Variants in VPS50 observed in about 807,000 individuals in gnomAD.
VPS50 encodes syndetin.
In VPS50, 70 loss-of-function variants were observed where a neutral mutation model predicts 139.7. The observed-to-expected ratio is 0.50, with a 90% confidence interval of 0.41 to 0.61. VPS50 has a LOEUF of 0.61. VPS50 is among the 20% of genes least tolerant of loss of function. The probability of loss-of-function intolerance (pLI) is 0.00; values close to 1 mark genes in which losing one functional copy is unlikely to be tolerated. For synonymous variants in VPS50, 365 were observed against 376.7 expected (o/e 0.97, Z 0.36); for missense variants, 921 against 1,133.7 (o/e 0.81, Z 2.69).
Position 93,341,421 on chromosome 7 carries a change from T to A in VPS50, c.2059-6T>A. 1 of 1,596,852 alleles carries A rather than the reference T, an allele frequency of 6.3e-7. No individual in the cohort carries two copies. Among genetic ancestry groups the A allele is most frequent in the Non-Finnish European group, 8.5e-7 (1 of 1,173,256 alleles). ...ATTCCAGGTTGTATATCTATTGTATTTTCAGGAAGTTTCAGCTGATCCTAC... is the reference window on the plus strand; with the variant it reads ...ATTCCAGGTTGTATATCTATTGTATATTCAGGAAGTTTCAGCTGATCCTAC... On this transcript the variant is annotated splice_polypyrimidine_tract_variant and splice_region_variant and intron_variant, in intron 22 of 27. Coordinates refer to ENST00000305866, the MANE Select transcript of VPS50 (RefSeq NM_017667.4).
chr7:93,247,967 T>G (rs1795205293), intron 2 of VPS50, among the ~76,000 whole-genome samples: 1 of 152,030 alleles, frequency 6.6e-6, no homozygotes, highest in Non-Finnish European at 1.5e-5. Flanking sequence ...TAATACTTTT[T>G]GCTTAGTTGA....
intron 13 of VPS50, among the ~76,000 whole-genome samples, chr7:93,292,732 G>GTA (rs1796686938): frequency 6.6e-6 from 1 of 151,964 alleles, no homozygotes; most frequent in South Asian, 2.1e-4. Flanking sequence ...AGAAGGCATA[G>GTA]GTTTAATCTT....
Position 93,349,934 on chromosome 7 carries a change from C to T in VPS50, c.2364C>T (p.Ala788=), listed in dbSNP as rs775375142. The T allele has an allele frequency of 6.2e-7, 1 of 1,613,192 alleles. No individual in the cohort carries two copies. The highest frequency in any genetic ancestry group is 8.5e-7 in the Non-Finnish European group (1 of 1,179,344). ...TTTACTGGATTGTAGCTGGTAAAGC[C>T]CTTGATTATGAACAGATGCTGCTTC... ...KPIYWIVAGK[A]LDYEQMLLLM... The change falls in exon 25 of 28, where the codon GCC becomes GCT. Residue 788 remains alanine (A), a synonymous_variant. Coordinates refer to ENST00000305866, the MANE Select transcript of VPS50 (RefSeq NM_017667.4).
At chr7:93,271,587 C>G (rs1413685853) in intron 10 of VPS50, among the ~76,000 whole-genome samples, 5 of 151,628 alleles carry the variant, frequency 3.3e-5, no homozygotes. Context: ...TTATCAGTTA[C>G]TTTATTGTTT....
chr7:93,351,247 C>A (rs1798548710), intron 25 of VPS50, among the ~76,000 whole-genome samples: 1 of 152,048 alleles, frequency 6.6e-6, no homozygotes. Context: ...AGACCATTGA[C>A]CTTGAAAGAG....
chr7:93,340,037 A>G (rs1798171043), intron 22 of VPS50, among the ~76,000 whole-genome samples: 1 of 152,170 alleles, frequency 6.6e-6, no homozygotes, highest in Admixed American at 6.6e-5. Flanking sequence ...TATTAGAAAT[A>G]TATTTGGTTA....
At chr7:93,315,767 A>T (rs2117001809) in intron 20 of VPS50, among the ~76,000 whole-genome samples, 1 of 152,132 alleles carries the variant, frequency 6.6e-6, no homozygotes, top group Non-Finnish European at 1.5e-5. Flanking sequence ...ATAGGTTTTA[A>T]TTTCAACATT....
At chr7:93,269,159 A>G (rs1329952331) in intron 9 of VPS50, among the ~76,000 whole-genome samples, 1 of 152,070 alleles carries the variant, frequency 6.6e-6, no homozygotes, top group Admixed American at 6.6e-5. Flanking sequence ...TAATTATTTG[A>G]AAGTGTTAAG....
At chr7:93,345,397 G>A (rs1798361441) in intron 23 of VPS50, among the ~76,000 whole-genome samples, 1 of 152,120 alleles carries the variant, frequency 6.6e-6, no homozygotes, top group Non-Finnish European at 1.5e-5. Flanking sequence ...TTCTACCAGA[G>A]GTACAAGGAG....
intron 9 of VPS50, among the ~76,000 whole-genome samples, chr7:93,261,067 TTAAA>T (rs1258253037): frequency 2.0e-5 from 3 of 152,202 alleles, no homozygotes; most frequent in Non-Finnish European, 4.4e-5. Context: ...ACTTATTAGG[TTAAA>T]TAAATAGAGA....
rs545569862 is a variant in VPS50 at position 93,296,916 on chromosome 7, A to G, written c.1262+80A>G. The G allele has an allele frequency of 5.7e-5, 84 of 1,476,808 alleles. No homozygotes were observed. In the African/African-American group the frequency reaches 1.1e-3, roughly 19 times the overall value. 91.5% of individuals were successfully genotyped at this position (1,476,808 alleles called of 1,614,324 possible). A position where few individuals can be genotyped will look rare whatever the true frequency, so the allele number is the denominator to read the frequency against. On this transcript the variant is annotated intron_variant, in intron 15 of 27. Transcript: ENST00000305866. ...ATCATGAGCTAGTGAGTTATCATCT[A>G]TAACTTCTTTATGGAAATGAAGATA...
rs370207634 is a variant in VPS50 at position 93,330,943 on chromosome 7, A to T, written c.1978-3174A>T. On this transcript the variant is annotated intron_variant, in intron 21 of 27. Transcript: ENST00000305866. Reference sequence around the variant, plus strand: ...TAGAACTAATAAGTACATTTAGCAAACTCCTAGAATATAAAGTCAGTATAC... The same window carrying T: ...TAGAACTAATAAGTACATTTAGCAATCTCCTAGAATATAAAGTCAGTATAC... Among the ~76,000 whole-genome samples the T allele has an allele frequency of 3.9e-5, 6 of 151,900 alleles. No homozygotes were observed. In the East Asian group the frequency reaches 9.6e-4, roughly 24 times the overall value.
intron 18 of VPS50, among the ~76,000 whole-genome samples, chr7:93,308,039 T>A (rs1797164054): frequency 6.6e-6 from 1 of 151,884 alleles, no homozygotes; most frequent in African/African-American, 2.4e-5. Context: ...AGCATAATAC[T>A]TGGTTAAAAA....
intron 12 of VPS50, among the ~76,000 whole-genome samples, chr7:93,290,359 C>G (rs962316094): frequency 6.6e-6 from 1 of 150,966 alleles, no homozygotes; most frequent in Non-Finnish European, 1.5e-5. Flanking sequence ...ATTGAATTAG[C>G]AGGTGTTCTC....
chr7:93,292,946 G>A lies in VPS50; in HGVS notation c.1075+1111G>A, dbSNP rs117354234. ...ATACTTTTACCCTGTACTACCCCTG[G>A]GACCATGAGCTCTGCGATCTGAGAG... On this transcript the variant is annotated intron_variant, in intron 13 of 27. Transcript: ENST00000305866. 3.5e-4 allele frequency among the ~76,000 whole-genome samples: 54 copies of A among 152,126 alleles called. No individual in the cohort carries two copies. In the East Asian group the frequency reaches 0.01, roughly 29 times the overall value.
chr7:93,271,302 T>C, intron 10 of VPS50, 40 bp downstream of exon 10: 1 of 1,500,330 alleles, frequency 6.7e-7, no homozygotes, highest in African/African-American at 1.5e-5. Flanking sequence ...AGTTTTTCTT[T>C]TCAGAAGTTT....
At chr7:93,251,509 G>T (rs1302289415) in intron 2 of VPS50, among the ~76,000 whole-genome samples, 5 of 138,180 alleles carry the variant, frequency 3.6e-5, no homozygotes, top group Non-Finnish European at 7.7e-5. Context: ...ACACACTGGG[G>T]CTTATTGGGG....
intron 9 of VPS50, among the ~76,000 whole-genome samples, chr7:93,261,970 G>A (rs977284237): frequency 2.1e-4 from 32 of 152,196 alleles, no homozygotes; most frequent in Non-Finnish European, 4.4e-5. Flanking sequence ...GACAGATTTG[G>A]TGGGAGTTGG....
At chr7:93,312,021 G>T (rs557173543) in intron 20 of VPS50, among the ~76,000 whole-genome samples, 1 of 152,062 alleles carries the variant, frequency 6.6e-6, no homozygotes, top group South Asian at 2.1e-4. Context: ...TTTACCTATT[G>T]CCTAGTTTGA....
Sources: gnomAD v4.1 joint callset for allele counts (sites outside exome capture counted in the v4.1 genomes callset) on GRCh38, gnomAD v4.1.1 for gene constraint, MANE v1.5 for transcripts, NCBI Gene and HGNC (gene_info 2026-07-23, HGNC 2026-07-21) for gene names.